The following CIB4 variants were observed in gnomAD, a reference collection of about 807,000 sequenced individuals.
The protein encoded by CIB4 is calcium and integrin-binding family member 4.
Under a neutral mutation model 25.8 loss-of-function variants are expected in CIB4, and 25 were observed. That is an observed-to-expected ratio of 0.97 (90% confidence interval 0.71 to 1.35). The LOEUF (loss-of-function observed/expected upper bound fraction) is 1.35. CIB4 is among the 40% of genes most tolerant of loss of function. The pLI is 0.00. For synonymous variants in CIB4, 75 were observed against 81.4 expected, an observed-to-expected ratio of 0.92 and a Z score of 0.42; for missense variants, 235 against 228.2, an observed-to-expected ratio of 1.03 and a Z score of -0.19.
At chr2:26,604,399 A>G (rs1572552927) in intron 3 of CIB4, among the ~76,000 whole-genome samples, 1 of 152,120 alleles carries the variant, frequency 6.6e-6, no homozygotes, top group Non-Finnish European at 1.5e-5. Context: ...AATAAAAAGA[A>G]GAAGAAAAAT....
At chr2:26,639,047 G>A (rs1669586403) in intron 2 of CIB4, among the ~76,000 whole-genome samples, 1 of 152,026 alleles carries the variant, frequency 6.6e-6, no homozygotes. Flanking sequence ...GGATAAATGT[G>A]TTGGCTTATG....
At chr2:26,621,252 GAAAAA>G (rs10689851) in intron 3 of CIB4, among the ~76,000 whole-genome samples, 12,007 of 101,900 alleles carry the variant, frequency 0.12, 721 homozygotes, top group Admixed American at 0.29. Context: ...AAGTTTCCAG[GAAAAA>G]AAAAAAAAAA....
At chr2:26,606,355 C>G (rs1668889995) in intron 3 of CIB4, among the ~76,000 whole-genome samples, 1 of 152,132 alleles carries the variant, frequency 6.6e-6, no homozygotes, top group African/African-American at 2.4e-5. Flanking sequence ...GGACAAAGGG[C>G]TCGGAAGGAG....
chr2:26,621,239 T>A, intron 3 of CIB4, among the ~76,000 whole-genome samples: 1 of 67,400 alleles, frequency 1.5e-5, no homozygotes. Context: ...GAGAAGAGTC[T>A]ACAAGTTTCC....
At chr2:26,631,639 C>T (rs1483034164) in intron 2 of CIB4, among the ~76,000 whole-genome samples, 1 of 152,166 alleles carries the variant, frequency 6.6e-6, no homozygotes, top group Non-Finnish European at 1.5e-5. Flanking sequence ...ACTAGAAAAA[C>T]ATCCTTCAGC....
chr2:26,634,703 C>T (rs1452767627), intron 2 of CIB4, among the ~76,000 whole-genome samples: 2 of 152,170 alleles, frequency 1.3e-5, no homozygotes, highest in Non-Finnish European at 2.9e-5. Context: ...GTAACCACTC[C>T]ACCTGCGGCC....
chr2:26,603,066 G>T, intron 3 of CIB4, among the ~76,000 whole-genome samples: 1 of 145,580 alleles, frequency 6.9e-6, no homozygotes, highest in African/African-American at 2.5e-5. Context: ...ACGGGGTGGG[G>T]TGGGGGGGTT....
intron 1 of CIB4, among the ~76,000 whole-genome samples, chr2:26,641,051 T>A (rs1328347060): frequency 6.6e-6 from 1 of 152,162 alleles, no homozygotes; most frequent in Non-Finnish European, 1.5e-5. Flanking sequence ...TTATCAGATT[T>A]TTTCGTGATT....
chr2:26,603,654 T>G (rs569902764), intron 3 of CIB4, among the ~76,000 whole-genome samples: 1 of 152,092 alleles, frequency 6.6e-6, no homozygotes, highest in African/African-American at 2.4e-5. Context: ...CAGTAAAAAA[T>G]TATCCATCAT....
At chr2:26,584,950 T>G (rs188290644) in intron 4 of CIB4, among the ~76,000 whole-genome samples, 108 of 152,182 alleles carry the variant, frequency 7.1e-4, no homozygotes, top group African/African-American at 2.6e-3. Flanking sequence ...CGCTCAGAAG[T>G]GCCCACCCAC....
chr2:26,625,011 A>G (rs1669273476), intron 3 of CIB4, among the ~76,000 whole-genome samples: 1 of 152,018 alleles, frequency 6.6e-6, no homozygotes, highest in Non-Finnish European at 1.5e-5. Context: ...ACAACATCTC[A>G]TGTACCCCAT....
At chr2:26,634,252 C>A (rs1018397872) in intron 2 of CIB4, among the ~76,000 whole-genome samples, 1 of 152,190 alleles carries the variant, frequency 6.6e-6, no homozygotes, top group Non-Finnish European at 1.5e-5. Flanking sequence ...ACCCCCACCC[C>A]ACGGGGTCAA....
At chr2:26,588,167 G>T (rs981641380) in intron 4 of CIB4, among the ~76,000 whole-genome samples, 4 of 152,262 alleles carry the variant, frequency 2.6e-5, no homozygotes, top group Non-Finnish European at 4.4e-5. Flanking sequence ...ACACTACACT[G>T]CTGCTGGGAA....
chr2:26,604,915 A>G (rs914899235), intron 3 of CIB4, among the ~76,000 whole-genome samples: 3 of 152,204 alleles, frequency 2.0e-5, no homozygotes, highest in Admixed American at 6.5e-5. Context: ...AAAGACTACC[A>G]ATCAACGGGA....
chr2:26,624,036 G>T (rs79029606), intron 3 of CIB4, among the ~76,000 whole-genome samples: 1 of 152,210 alleles, frequency 6.6e-6, no homozygotes, highest in Admixed American at 6.5e-5. Context: ...CTGTCCCCGT[G>T]CGGGACATTT....
chr2:26,582,847 C>T lies in CIB4; in HGVS notation c.505G>A (p.Ala169Thr). 1.2e-6 allele frequency: 2 copies of T among 1,612,660 alleles called. No individual in the cohort carries two copies. Among genetic ancestry groups the T allele is most frequent in the Non-Finnish European group, 1.7e-6 (2 of 1,178,696 alleles). Residue 169 changes from alanine to threonine, a missense_variant, in exon 6 of 7, where the codon GCC (alanine) becomes ACC (threonine). Transcript: ENST00000288861. ...TACTTCATGAAATCTGGAGACTTGG[C>T]CATTGCATGTTCAAACTCTGAGAAG... ...LSFSEFEHAM[A>T]KSPDFMNSFR... is the part of the protein sequence containing the mutation.
At chr2:26,640,350 C>A (rs1437797624) in intron 2 of CIB4, among the ~76,000 whole-genome samples, 183 bp downstream of exon 2, 1 of 152,242 alleles carries the variant, frequency 6.6e-6, no homozygotes, top group East Asian at 1.9e-4. Flanking sequence ...TCCAGTGGGG[C>A]TCTGCGGATC....
chr2:26,636,751 T>C (rs949860463), intron 2 of CIB4, among the ~76,000 whole-genome samples: 14 of 152,258 alleles, frequency 9.2e-5, no homozygotes, highest in African/African-American at 3.4e-4. Context: ...TCTTGATTAA[T>C]GGCTTAGCTA....
intron 2 of CIB4, among the ~76,000 whole-genome samples, chr2:26,637,085 C>T (rs1057033239): frequency 1.3e-5 from 2 of 152,182 alleles, no homozygotes; most frequent in Non-Finnish European, 2.9e-5. Context: ...AGTCAGGGGC[C>T]TGTCTGGCTC....
Sources: gnomAD v4.1 joint callset for allele counts (sites outside exome capture counted in the v4.1 genomes callset) on GRCh38, gnomAD v4.1.1 for gene constraint, MANE v1.5 for transcripts, NCBI Gene and HGNC (gene_info 2026-07-23, HGNC 2026-07-21) for gene names.